Variants in DOCK7 observed in about 807,000 individuals in gnomAD.
DOCK7 encodes dedicator of cytokinesis protein 7.
Under a neutral mutation model 271.0 loss-of-function variants are expected in DOCK7, and 138 were observed. That is an observed-to-expected ratio of 0.51 (90% CI 0.44 to 0.59). DOCK7 has a LOEUF of 0.59. Among genes scored for constraint, DOCK7 ranks in the 20% least tolerant of loss-of-function variants. The pLI, the probability that DOCK7 is intolerant of heterozygous loss-of-function variation, is 0.00. For synonymous variants in DOCK7, 823 were observed against 876.1 expected (o/e 0.94, Z 1.07); for missense variants, 2,066 against 2,592.4 (o/e 0.80, Z 4.41).
chr1:62,683,972 G>A (rs1055519299), intron 1 of DOCK7, among the ~76,000 whole-genome samples: 2 of 151,996 alleles, frequency 1.3e-5, no homozygotes, highest in African/African-American at 4.8e-5. Context: ...GAGCGAGGTG[G>A]CTTACGCCTG....
intron 2 of DOCK7, among the ~76,000 whole-genome samples, chr1:62,659,619 G>T (rs1005837265): frequency 6.6e-6 from 1 of 152,118 alleles, no homozygotes; most frequent in East Asian, 1.9e-4. Context: ...TAGCAGAAAG[G>T]ACTTTAAAAT....
At chr1:62,639,617 G>A (rs1328731001) in intron 7 of DOCK7, among the ~76,000 whole-genome samples, 1 of 151,578 alleles carries the variant, frequency 6.6e-6, no homozygotes, top group Non-Finnish European at 1.5e-5. Context: ...TGTATTTTTA[G>A]TAGAGGGTTC....
intron 22 of DOCK7, among the ~76,000 whole-genome samples, chr1:62,545,744 T>G (rs1571485321): frequency 6.6e-6 from 1 of 152,150 alleles, no homozygotes; most frequent in East Asian, 1.9e-4. Flanking sequence ...TTAAAATTTC[T>G]TTAAAACGCT....
chr1:62,603,874 C>T (rs1301102871), intron 14 of DOCK7: 1 of 1,191,284 alleles, frequency 8.4e-7, no homozygotes, highest in African/African-American at 1.5e-5. Context: ...GACTAAACAA[C>T]TCAATTAGTT....
At chr1:62,527,645 G>A (rs953733292) in intron 31 of DOCK7, among the ~76,000 whole-genome samples, 7 of 149,612 alleles carry the variant, frequency 4.7e-5, no homozygotes, top group African/African-American at 1.7e-4. Flanking sequence ...ACCAAACACC[G>A]CATGTTCTCA....
chr1:62,492,469 G>T, intron 41 of DOCK7: 2 of 395,298 alleles, frequency 5.1e-6, no homozygotes, highest in Non-Finnish European at 9.1e-6. Flanking sequence ...TTAATTTTTT[G>T]TAGAGACGGT....
chr1:62,472,020 T>TAA (rs141193043), intron 48 of DOCK7, among the ~76,000 whole-genome samples: 57 of 152,178 alleles, frequency 3.7e-4, no homozygotes, highest in African/African-American at 1.3e-3. Context: ...CACACAAAAA[T>TAA]AAAAAATGTA....
At chr1:62,533,566 C>G (rs148560511) in intron 29 of DOCK7, among the ~76,000 whole-genome samples, 4,017 of 151,980 alleles carry the variant, frequency 0.026, 127 homozygotes, top group Admixed American at 0.091. Context: ...TCTGCACACA[C>G]ACTGCCCACC....
At chr1:62,511,004 C>T (rs1044368015) in intron 33 of DOCK7, 1 of 207,692 alleles carries the variant, frequency 4.8e-6, no homozygotes, top group African/African-American at 2.3e-5. Flanking sequence ...CTTCCTCTTG[C>T]TTACCGCTTT....
chr1:62,604,568 GA>G (rs1650667670), intron 14 of DOCK7: 2 of 1,494,572 alleles, frequency 1.3e-6, no homozygotes, highest in African/African-American at 2.8e-5. Flanking sequence ...AACTTACGGG[GA>G]AATACAGTAA....
intron 41 of DOCK7, 21 bp downstream of exon 41, chr1:62,492,683 G>C (rs770298912): frequency 6.2e-7 from 1 of 1,613,400 alleles, no homozygotes. Context: ...TGTGGGAAAA[G>C]AATTAACAAG....
chr1:62,618,844 G>A lies in DOCK7; in HGVS notation c.1544C>T (p.Pro515Leu), dbSNP rs769508400. The part of the protein sequence containing the change: ...ITAQLKIDIS[P>L]APENPHYCLT... ...GCAATAATGGGGATTTTCAGGTGCGGGAGAAATGTCTATCTTGAGCTGAGC... is the reference window on the plus strand; with the variant it reads ...GCAATAATGGGGATTTTCAGGTGCGAGAGAAATGTCTATCTTGAGCTGAGC... The change falls in exon 14 of 50, where the codon CCC (proline) becomes CTC (leucine). Residue 515 changes from proline to leucine, a missense_variant. This residue lies in a region of DOCK7 where 1,414 missense variants were observed against 1,670.4 expected (regional missense o/e 0.85). Transcript: ENST00000635253. The A allele has an allele frequency of 2.5e-6, 4 of 1,613,716 alleles. No individual in the cohort carries two copies. Among genetic ancestry groups the A allele is most frequent in the Non-Finnish European group, 3.4e-6 (4 of 1,179,774 alleles).
chr1:62,626,605 T>C (rs1243976932), intron 11 of DOCK7, among the ~76,000 whole-genome samples: 2 of 151,992 alleles, frequency 1.3e-5, no homozygotes, highest in African/African-American at 2.4e-5. Flanking sequence ...TATGAACAAC[T>C]GTAGGCCAAC....
chr1:62,646,654 C>G (rs1176349603), intron 7 of DOCK7, among the ~76,000 whole-genome samples: 1 of 152,178 alleles, frequency 6.6e-6, no homozygotes, highest in East Asian at 1.9e-4. Flanking sequence ...GAAACCAACC[C>G]ACTGGCACCC....
rs558489359 is a variant in DOCK7, at chr1:62,477,487, T to C, written c.5634+213A>G. ...GGGGTTTCTAAAATATGTGTGAAAA[T>C]AGTCTCAAAAAATAGACAATATTAC... On this transcript the variant is annotated intron_variant, in intron 44 of 49. Transcript: ENST00000635253. Among the ~76,000 whole-genome samples, 186 of 152,298 alleles carry C rather than the reference T, an allele frequency of 1.2e-3. 1 individual carries two copies. The highest frequency in any genetic ancestry group is 4.0e-3 in the African/African-American group (167 of 41,562).
chr1:62,524,517 T>C (rs1470312008), intron 31 of DOCK7, among the ~76,000 whole-genome samples: 4 of 152,170 alleles, frequency 2.6e-5, no homozygotes, highest in African/African-American at 4.8e-5. Context: ...AGTTAGACAA[T>C]GGAATATCAT....
chr1:62,492,547 C>G, intron 41 of DOCK7, 157 bp downstream of exon 41: 1 of 814,560 alleles, frequency 1.2e-6, no homozygotes, highest in Non-Finnish European at 1.9e-6. Flanking sequence ...CTTAGCCTCT[C>G]AAAGTGCTGA....
intron 12 of DOCK7, among the ~76,000 whole-genome samples, chr1:62,621,650 T>C (rs1433153561): frequency 1.3e-5 from 2 of 152,174 alleles, no homozygotes; most frequent in African/African-American, 2.4e-5. Context: ...GTGGTTATAG[T>C]TTTTTATTAA....
intron 12 of DOCK7, among the ~76,000 whole-genome samples, chr1:62,622,913 G>C (rs1212955553): frequency 6.6e-6 from 1 of 152,038 alleles, no homozygotes; most frequent in African/African-American, 2.4e-5. Flanking sequence ...CTGGGTGAGA[G>C]AGCAAGACTC....
Sources: allele counts gnomAD v4.1 joint callset (sites outside exome capture counted in the v4.1 genomes callset), GRCh38; gene constraint gnomAD v4.1.1; regional missense constraint gnomAD v4.1.1; transcripts MANE v1.5; gene names NCBI Gene and HGNC (gene_info 2026-07-23, HGNC 2026-07-21).